ZSCAN2: variants seen among roughly 807,000 people sequenced by gnomAD.
ZSCAN2 encodes the protein zinc finger and SCAN domain containing 2.
In ZSCAN2, 26 loss-of-function variants were observed where a neutral mutation model predicts 47.8. That is an observed-to-expected ratio of 0.54 (90% CI 0.40 to 0.75). The LOEUF (loss-of-function observed/expected upper bound fraction) is 0.75, where lower values mean the gene tolerates loss of function less well. Among genes scored for constraint, ZSCAN2 ranks in the 30% least tolerant of loss-of-function variants. ZSCAN2 has a pLI of 0.00. For synonymous variants in ZSCAN2, 305 were observed against 288.7 expected (o/e 1.06, Z -0.57); for missense variants, 732 against 785.4 (o/e 0.93, Z 0.81).
At chr15:84,608,206 G>A (rs537007104) in intron 2 of ZSCAN2, among the ~76,000 whole-genome samples, 18 of 151,572 alleles carry the variant, frequency 1.2e-4, no homozygotes, top group Admixed American at 3.3e-4. Context: ...CATGAACCTC[G>A]GAGCCCCACC....
At chr15:84,608,394 A>G (rs6496164) in intron 2 of ZSCAN2, among the ~76,000 whole-genome samples, 131,036 of 152,020 alleles carry the variant, frequency 0.86, 56,631 homozygotes, top group East Asian at 0.93. Flanking sequence ...TCAGCCAGGC[A>G]TGGTGGCATG....
At chr15:84,601,327 C>T (rs1402192346) in intron 1 of ZSCAN2, 192 bp downstream of exon 1, 1 of 152,230 alleles carries the variant, frequency 6.6e-6, no homozygotes, top group Admixed American at 6.5e-5. Flanking sequence ...CCGGACGCGT[C>T]TCCCTGGCGG....
At position 84,604,065 on chromosome 15, in the gene ZSCAN2, G is replaced by T; in HGVS notation, c.138G>T (p.Leu46=). 1.9e-6 allele frequency: 3 copies of T among 1,614,190 alleles called. No homozygotes were observed. Among genetic ancestry groups the T allele is most frequent in the Non-Finnish European group, 2.5e-6 (3 of 1,180,026 alleles). Residue 46 remains leucine, a synonymous_variant, in exon 2 of 3, where the codon CTG becomes CTT. Coordinates refer to ENST00000546148, the MANE Select transcript of ZSCAN2 (RefSeq NM_181877.4). ...EDDSWVQEAV[L]QEDGPESEPF... is the part of the protein sequence containing the mutation. ...ACTCCTGGGTGCAAGAAGCTGTGCT[G>T]CAGGAGGATGGCCCTGAGTCTGAGC...
Position 84,610,491 on chromosome 15 carries a change from T to TC in ZSCAN2, c.406+6158_406+6159insC, listed in dbSNP as rs1391001576. On this transcript the variant is annotated intron_variant, in intron 2 of 2. Transcript: ENST00000546148. ...GTCTTTCTTTCTTTCTTTCTTTCTTTTTTTTTTTTTTTTTTGAGATGGAGT... is the reference window on the plus strand; with the variant it reads ...GTCTTTCTTTCTTTCTTTCTTTCTTTCTTTTTTTTTTTTTTTGAGATGGAGT... Among the ~76,000 whole-genome samples, 13 of 146,662 alleles carry TC rather than the reference T, an allele frequency of 8.9e-5. No individual in the cohort carries two copies. In the South Asian group the frequency reaches 1.3e-3, roughly 15 times the overall value.
chr15:84,612,667 G>GT (rs1895585716), intron 2 of ZSCAN2, among the ~76,000 whole-genome samples: 2 of 152,052 alleles, frequency 1.3e-5, no homozygotes, highest in South Asian at 4.1e-4. Context: ...CCCGGTAGGC[G>GT]GAGCTTGCAG....
chr15:84,620,772 G>T lies in ZSCAN2; in HGVS notation c.577G>T (p.Gly193Cys). The change falls in exon 3 of 3, where the codon GGT becomes TGT. Residue 193 changes from glycine to cysteine, a missense_variant. Coordinates refer to ENST00000546148, the MANE Select transcript of ZSCAN2 (RefSeq NM_181877.4). ...GIQRLQGHSPGEDHGEVVSQD... is the reference protein window; with the variant it reads ...GIQRLQGHSPCEDHGEVVSQD... ...CCAGAGGCTCCAGGGACACAGCCCA[G>T]GTGAGGACCACGGGGAGGTGGTTTC... is the stretch of plus-strand genomic sequence containing the variant. 1 of 1,614,224 alleles carries T rather than the reference G, an allele frequency of 6.2e-7. No homozygotes were observed. Among genetic ancestry groups the T allele is most frequent in the East Asian group, 2.2e-5 (1 of 44,884 alleles).
intron 2 of ZSCAN2, among the ~76,000 whole-genome samples, chr15:84,620,383 G>GAATAGTGCA (rs1895787963): frequency 6.6e-6 from 1 of 152,132 alleles, no homozygotes; most frequent in African/African-American, 2.4e-5. Flanking sequence ...TTGCTATTGT[G>GAATAGTGCA]AATAGTGCAG....
intron 2 of ZSCAN2, among the ~76,000 whole-genome samples, chr15:84,610,484 CTTTCTTTT>C (rs1286337710): frequency 8.1e-6 from 1 of 123,938 alleles, no homozygotes; most frequent in Non-Finnish European, 1.7e-5. Context: ...TTCTTTCTTT[CTTTCTTTT>C]TTTTTTTTTT....
At chr15:84,616,359 C>G (rs769459916) in intron 2 of ZSCAN2, 2 of 1,611,070 alleles carry the variant, frequency 1.2e-6, no homozygotes, top group Non-Finnish European at 1.7e-6. Flanking sequence ...GTTGCAGCCT[C>G]ACCTCCTTTG....
intron 1 of ZSCAN2, 91 bp from the exon 2 acceptor site, chr15:84,603,729 G>A (rs1895282678): frequency 7.1e-6 from 4 of 561,836 alleles, no homozygotes; most frequent in Non-Finnish European, 1.2e-5. Context: ...CATATGTAAG[G>A]GCCACTTGGT....
chr15:84,614,625 T>C (rs183904660), intron 2 of ZSCAN2: 1 of 152,326 alleles, frequency 6.6e-6, no homozygotes, highest in East Asian at 1.9e-4. Flanking sequence ...TTGTCGAATA[T>C]AGAGAAATCT....
At chr15:84,620,467 T>C in intron 2 of ZSCAN2, 135 bp from the exon 3 acceptor site, 1 of 739,604 alleles carries the variant, frequency 1.4e-6, no homozygotes, top group Non-Finnish European at 2.2e-6. Context: ...AACCTGATTA[T>C]TAAAGGCTTT....
Position 84,621,572 on chromosome 15 carries a change from C to T in ZSCAN2, c.1377C>T (p.Ser459=). The stretch of plus-strand genomic sequence containing the variant: ...GTGGGAAGAGCTTCAGCCAGAGCTC[C>T]AGTCTGATTGCACACCAGGGCATGC... ...GVCGKSFSQS[S]SLIAHQGMHT... Residue 459 remains serine, a synonymous_variant, in exon 3 of 3, where the codon TCC becomes TCT. Transcript: ENST00000546148. The surrounding 1 kb of genome is among the most constrained non-coding windows in gnomAD (Gnocchi z 5.7). The T allele has an allele frequency of 6.2e-7, 1 of 1,614,078 alleles. No homozygotes were observed. The highest frequency in any genetic ancestry group is 8.5e-7 in the Non-Finnish European group (1 of 1,180,018).
At position 84,621,871 on chromosome 15, in the gene ZSCAN2, G is replaced by T. The variant is rs1339889996; in HGVS notation, c.1676G>T (p.Arg559Met). 1 of 1,614,090 alleles carries T rather than the reference G, an allele frequency of 6.2e-7. No individual in the cohort carries two copies. Among genetic ancestry groups the T allele is most frequent in the Admixed American group, 1.7e-5 (1 of 60,018 alleles). Residue 559 changes from arginine to methionine, a missense_variant, in exon 3 of 3, where the codon AGG becomes ATG. Arg to Met is a moderately conservative substitution (Grantham distance 91, BLOSUM62 -1). Around this residue, in one of 2 missense-constraint regions of ZSCAN2, gnomAD observed 412 missense variants for 498.0 expected, o/e 0.83. Coordinates refer to ENST00000546148, the MANE Select transcript of ZSCAN2 (RefSeq NM_181877.4). This position sits in a 1 kb window ranked among gnomAD's most constrained non-coding sequence, Gnocchi z 5.7. ...GCCCATTTGGGAGACAAGCCCTACA[G>T]GTGCCCTGAGTGTGGGAAAGGCTTT... ...QRAHLGDKPY[R>M]CPECGKGFSW...
At chr15:84,611,045 G>T (rs1249751322) in intron 2 of ZSCAN2, among the ~76,000 whole-genome samples, 1 of 152,068 alleles carries the variant, frequency 6.6e-6, no homozygotes, top group African/African-American at 2.4e-5. Context: ...TGTTATCCCA[G>T]CACTTTGGGA....
At chr15:84,607,191 C>T (rs1308310848) in intron 2 of ZSCAN2, among the ~76,000 whole-genome samples, 1 of 152,136 alleles carries the variant, frequency 6.6e-6, no homozygotes, top group East Asian at 1.9e-4. Flanking sequence ...CATACCCAGC[C>T]CTAATCCAGA....
At chr15:84,618,305 C>A (rs1038019315) in intron 2 of ZSCAN2, among the ~76,000 whole-genome samples, 6 of 152,080 alleles carry the variant, frequency 3.9e-5, no homozygotes, top group African/African-American at 9.7e-5. Context: ...GTAGTCCCAG[C>A]TACTCTGGAG....
chr15:84,619,288 G>A (rs1895763409), intron 2 of ZSCAN2, among the ~76,000 whole-genome samples: 1 of 152,050 alleles, frequency 6.6e-6, no homozygotes, highest in African/African-American at 2.4e-5. Flanking sequence ...AAATTAGCCG[G>A]GTGTGGTGGT....
chr15:84,601,381 G>A (rs1895197931), intron 1 of ZSCAN2, among the ~76,000 whole-genome samples: 1 of 152,176 alleles, frequency 6.6e-6, no homozygotes. Context: ...GCTTTGGACG[G>A]GAAGGGGCAT....
Sources: allele counts gnomAD v4.1 joint callset (sites outside exome capture counted in the v4.1 genomes callset), GRCh38; gene constraint gnomAD v4.1.1; regional missense constraint gnomAD v4.1.1; non-coding constraint Gnocchi (gnomAD v3.1); transcripts MANE v1.5; gene names NCBI Gene and HGNC (gene_info 2026-07-23, HGNC 2026-07-21).